The following WWC2 variants were observed in gnomAD, a reference collection of about 807,000 sequenced individuals.
WWC2 encodes protein WWC2.
In WWC2, 101 loss-of-function variants were observed where a neutral mutation model predicts 138.5. The observed-to-expected ratio is 0.73, with a 90% confidence interval of 0.62 to 0.86. The LOEUF (loss-of-function observed/expected upper bound fraction) is 0.86, where lower values mean the gene tolerates loss of function less well. Ranked by LOEUF, WWC2 falls within the 40% of genes least tolerant of loss-of-function variation. The pLI, the probability that WWC2 is intolerant of heterozygous loss-of-function variation, is 0.00. For synonymous variants in WWC2, 558 were observed against 538.4 expected (o/e 1.04, Z -0.50); for missense variants, 1,420 against 1,419.4 (o/e 1.00, Z -0.01).
At chr4:183,118,918 T>G (rs1732509791) in intron 1 of WWC2, among the ~76,000 whole-genome samples, 1 of 132,022 alleles carries the variant, frequency 7.6e-6, no homozygotes, top group South Asian at 2.3e-4. Context: ...ATATCTCAAC[T>G]TTTTTTTTTT....
chr4:183,147,074 C>T (rs1733483310), intron 1 of WWC2, among the ~76,000 whole-genome samples: 1 of 152,192 alleles, frequency 6.6e-6, no homozygotes, highest in South Asian at 2.1e-4. Context: ...CATGAACAAG[C>T]TCACAGGTGA....
chr4:183,104,308 A>T (rs1226577556), intron 1 of WWC2, among the ~76,000 whole-genome samples: 2 of 152,218 alleles, frequency 1.3e-5, no homozygotes, highest in Non-Finnish European at 2.9e-5. Context: ...TTAGTTAATG[A>T]AGACAGTTTG....
intron 4 of WWC2, among the ~76,000 whole-genome samples, chr4:183,210,294 G>T (rs1462955808): frequency 6.6e-6 from 1 of 151,990 alleles, no homozygotes; most frequent in Admixed American, 6.6e-5. Flanking sequence ...GGAGGTGAGG[G>T]GAGATGAAAT....
intron 1 of WWC2, among the ~76,000 whole-genome samples, chr4:183,179,893 C>T (rs1449000036): frequency 2.6e-5 from 4 of 152,046 alleles, no homozygotes; most frequent in Admixed American, 6.6e-5. Flanking sequence ...ATGAAACAAC[C>T]GCTAGGAACT....
chr4:183,182,279 C>T (rs899250777), intron 1 of WWC2, among the ~76,000 whole-genome samples: 4 of 152,158 alleles, frequency 2.6e-5, no homozygotes, highest in African/African-American at 7.2e-5. Context: ...GCTCAATTCT[C>T]CAGACTGAAT....
chr4:183,312,312 G>A (rs1171494360), intron 21 of WWC2, 29 bp from the exon 22 acceptor site: 2 of 1,608,278 alleles, frequency 1.2e-6, no homozygotes, highest in South Asian at 1.1e-5. Flanking sequence ...TGTTTTGTGT[G>A]TTTCTTACAT....
intron 4 of WWC2, among the ~76,000 whole-genome samples, chr4:183,223,029 C>T (rs983605373): frequency 6.6e-6 from 1 of 152,128 alleles, no homozygotes; most frequent in Non-Finnish European, 1.5e-5. Flanking sequence ...CAATGACAAA[C>T]CACATATATA....
rs1349677469 is a variant in WWC2 at position 183,265,124 on chromosome 4, G to A, written c.2039+17G>A. On this transcript the variant is annotated intron_variant, in intron 12 of 22. Coordinates refer to ENST00000403733, the MANE Select transcript of WWC2 (RefSeq NM_024949.6). ...CGTGAAACAGTAAGGATTCAGCAGGGGCGCTTTTAGCTCCAGCGAATCTCC... is the reference window on the plus strand; with the variant it reads ...CGTGAAACAGTAAGGATTCAGCAGGAGCGCTTTTAGCTCCAGCGAATCTCC... 2.5e-6 allele frequency: 4 copies of A among 1,592,824 alleles called. No homozygotes were observed. Among genetic ancestry groups the A allele is most frequent in the South Asian group, 2.3e-5 (2 of 86,830 alleles).
intron 1 of WWC2, among the ~76,000 whole-genome samples, chr4:183,167,593 C>T (rs1734161117): frequency 6.6e-6 from 1 of 152,038 alleles, no homozygotes; most frequent in Admixed American, 6.6e-5. Flanking sequence ...ATGGATGGTC[C>T]CCCTAGCTTT....
chr4:183,116,167 C>A (rs992221578), intron 1 of WWC2, among the ~76,000 whole-genome samples: 2 of 152,112 alleles, frequency 1.3e-5, no homozygotes, highest in Non-Finnish European at 2.9e-5. Context: ...GACTTTATTT[C>A]TGGTTTTTCT....
intron 21 of WWC2, among the ~76,000 whole-genome samples, chr4:183,310,949 A>T (rs577871319): frequency 1.3e-5 from 2 of 152,072 alleles, no homozygotes; most frequent in Non-Finnish European, 2.9e-5. Context: ...TAAACTTCAC[A>T]ACTTTGAAAT....
At chr4:183,172,716 A>T (rs1734331289) in intron 1 of WWC2, among the ~76,000 whole-genome samples, 1 of 152,084 alleles carries the variant, frequency 6.6e-6, no homozygotes, top group African/African-American at 2.4e-5. Flanking sequence ...TAGGTGGGTC[A>T]TATATAATCA....
At chr4:183,215,625 T>C (rs934668352) in intron 4 of WWC2, among the ~76,000 whole-genome samples, 2 of 152,214 alleles carry the variant, frequency 1.3e-5, no homozygotes, top group Admixed American at 1.3e-4. Context: ...ATCACATTTA[T>C]TGATTTTATA....
intron 4 of WWC2, among the ~76,000 whole-genome samples, chr4:183,213,897 C>T (rs1283479741): frequency 6.7e-6 from 1 of 149,356 alleles, no homozygotes; most frequent in Non-Finnish European, 1.5e-5. Flanking sequence ...CTGTCTCATG[C>T]AAATTAAACT....
rs188265375 is a variant in WWC2 at position 183,197,325 on chromosome 4, A to G, written c.241+3617A>G. Among the ~76,000 whole-genome samples, 133 of 152,318 alleles carry G rather than the reference A, an allele frequency of 8.7e-4. 2 individuals carry two copies. The highest frequency in any genetic ancestry group is 3.1e-3 in the African/African-American group (128 of 41,574). On this transcript the variant is annotated intron_variant, in intron 2 of 22. Transcript: ENST00000403733. ...CTGGTCCATTGTCTCATTAATCTTC[A>G]AGACATTCCTGTGAAGTAGTTTAGG...
At chr4:183,117,771 G>A (rs923395008) in intron 1 of WWC2, among the ~76,000 whole-genome samples, 3 of 151,152 alleles carry the variant, frequency 2.0e-5, no homozygotes, top group East Asian at 2.0e-4. Context: ...TGCCCAGCCC[G>A]CAGACCTTGA....
intron 1 of WWC2, among the ~76,000 whole-genome samples, chr4:183,149,076 G>A (rs547068856): frequency 2.0e-5 from 3 of 151,214 alleles, no homozygotes; most frequent in African/African-American, 7.3e-5. Flanking sequence ...TTTTTTTATT[G>A]TAAAAAATAA....
chr4:183,307,902 C>T (rs918782551), intron 21 of WWC2, among the ~76,000 whole-genome samples: 5 of 152,194 alleles, frequency 3.3e-5, no homozygotes, highest in Admixed American at 6.5e-5. Flanking sequence ...TTGGGAAGGA[C>T]GTCAGCATTG....
At chr4:183,103,915 T>C (rs938374170) in intron 1 of WWC2, among the ~76,000 whole-genome samples, 2 of 151,620 alleles carry the variant, frequency 1.3e-5, no homozygotes, top group Non-Finnish European at 2.9e-5. Context: ...ATTACAGGCA[T>C]GAGCCACCAC....
Sources: gnomAD v4.1 joint callset for allele counts (sites outside exome capture counted in the v4.1 genomes callset) on GRCh38, gnomAD v4.1.1 for gene constraint, MANE v1.5 for transcripts, NCBI Gene and HGNC (gene_info 2026-07-23, HGNC 2026-07-21) for gene names.